Variants in METTL24 observed in about 807,000 individuals in gnomAD.
The protein encoded by METTL24 is methyltransferase like 24.
In METTL24, 29 loss-of-function variants were observed where a neutral mutation model predicts 32.7. The observed-to-expected ratio is 0.89, with a 90% CI of 0.66 to 1.21. The LOEUF (loss-of-function observed/expected upper bound fraction) is 1.21, where lower values mean the gene tolerates loss of function less well. Among genes scored for constraint, METTL24 ranks in the 50% most tolerant of loss-of-function variants. METTL24 has a pLI of 0.00. For missense variants in METTL24, 439 were observed against 468.1 expected (o/e 0.94, Z 0.57); for synonymous variants, 163 against 179.5 (o/e 0.91, Z 0.73).
In METTL24 at chr6:110,299,118, C is replaced by T; in HGVS notation, c.590G>A (p.Ser197Asn). 2 of 1,614,068 alleles carry T rather than the reference C, an allele frequency of 1.2e-6. No homozygotes were observed. Among genetic ancestry groups the T allele is most frequent in the Non-Finnish European group, 1.7e-6 (2 of 1,180,012 alleles). Residue 197 changes from serine to asparagine, a missense_variant, in exon 4 of 5, where the codon AGC becomes AAC. Physicochemically the swap from Ser to Asn is conservative, Grantham distance 46. Coordinates refer to ENST00000338882, the MANE Select transcript of METTL24 (RefSeq NM_001123364.3). ...CACTTCACATCCGTTGTTGGCCATG[C>T]TAACCTCAAAATGGGTATCATCACT... ...LGSDDTHFEV[S>N]MANNGCEVHR...
intron 3 of METTL24, among the ~76,000 whole-genome samples, chr6:110,313,387 T>C (rs995237924): frequency 6.6e-6 from 1 of 152,108 alleles, no homozygotes; most frequent in Non-Finnish European, 1.5e-5. Context: ...TATTTTAAAA[T>C]AGGAAACTAC....
At chr6:110,265,848 CTCTTCCTCTTCCTCCTCCTCCTCCTCCT>C (rs1477539675) in intron 4 of METTL24, among the ~76,000 whole-genome samples, 4 of 125,972 alleles carry the variant, frequency 3.2e-5, no homozygotes, top group African/African-American at 6.5e-5. Context: ...ATTCCTCCTC[CTCTTCCTCTTCCTCCTCCTCCTCCTCCT>C]TCTTCCTCTT....
intron 4 of METTL24, among the ~76,000 whole-genome samples, chr6:110,271,346 A>T (rs1267215351): frequency 6.6e-6 from 1 of 152,068 alleles, no homozygotes; most frequent in Non-Finnish European, 1.5e-5. Context: ...CCCAGGCTGG[A>T]GTACAGTGGC....
rs61213732 is a variant in METTL24 at position 110,288,076 on chromosome 6, C to T, written c.786+10846G>A. Among the ~76,000 whole-genome samples, 1,168 of 152,310 alleles carry T rather than the reference C, an allele frequency of 7.7e-3. 9 individuals carry two copies. The highest frequency in any genetic ancestry group is 0.027 in the African/African-American group (1,112 of 41,576). On this transcript the variant is annotated intron_variant, in intron 4 of 4. Transcript: ENST00000338882. The stretch of plus-strand genomic sequence containing the variant: ...AAACTATGACAGTGTCTGTCCTTCA[C>T]ACCAGGGTCTCAGGCTGAAGGCAGA...
At chr6:110,246,883 GGA>G (rs1296719182) in intron 4 of METTL24, among the ~76,000 whole-genome samples, 2 of 150,598 alleles carry the variant, frequency 1.3e-5, no homozygotes, top group Non-Finnish European at 1.5e-5. Context: ...TCTGAATATT[GGA>G]CTATAAAAAA....
intron 4 of METTL24, among the ~76,000 whole-genome samples, chr6:110,272,368 T>G (rs1420296180): frequency 6.6e-6 from 1 of 152,214 alleles, no homozygotes; most frequent in African/African-American, 2.4e-5. Context: ...ATCCACTAGT[T>G]GGTCGATGGG....
chr6:110,333,852 C>T lies in METTL24; in HGVS notation c.319-10980G>A, dbSNP rs59958978. ...GTTATATTTCTTGATAACTGACACACTTAAGTGCATTTACATTACTTTATT... is the reference window on the plus strand; with the variant it reads ...GTTATATTTCTTGATAACTGACACATTTAAGTGCATTTACATTACTTTATT... On this transcript the variant is annotated intron_variant, in intron 1 of 4. Transcript: ENST00000338882. 6.1e-3 allele frequency among the ~76,000 whole-genome samples: 932 copies of T among 152,308 alleles called. 12 individuals carry two copies. The highest frequency in any genetic ancestry group is 0.021 in the African/African-American group (855 of 41,558).
Position 110,358,093 on chromosome 6 carries a change from G to T in METTL24, c.180C>A (p.Pro60=), listed in dbSNP as rs1042603798. The change falls in exon 1 of 5, where the codon CCC becomes CCA. Residue 60 remains proline, a synonymous_variant. Coordinates refer to ENST00000338882, the MANE Select transcript of METTL24 (RefSeq NM_001123364.3). Reference sequence around the variant, plus strand: ...TGGCGCCGCGCGGCTGGCCCGGCGCGGGCGGCAGGTGCGGCCCAGGTGGCC... The same window carrying T: ...TGGCGCCGCGCGGCTGGCCCGGCGCTGGCGGCAGGTGCGGCCCAGGTGGCC... ...AWRPPGPHLP[P]APGQPRGASR... is the part of the protein sequence containing the mutation. 2 of 1,002,128 alleles carry T rather than the reference G, an allele frequency of 2.0e-6. No individual in the cohort carries two copies. The highest frequency in any genetic ancestry group is 4.5e-5 in the South Asian group (1 of 22,222). 62.1% of individuals were successfully genotyped at this position (1,002,128 alleles called of 1,614,324 possible). A position where few individuals can be genotyped will look rare whatever the true frequency, so the allele number is the denominator to read the frequency against.
intron 4 of METTL24, among the ~76,000 whole-genome samples, chr6:110,277,076 T>C (rs1390371173): frequency 6.6e-6 from 1 of 152,122 alleles, no homozygotes; most frequent in Non-Finnish European, 1.5e-5. Context: ...TAAAGCTGAG[T>C]GTCCTATAGT....
intron 1 of METTL24, among the ~76,000 whole-genome samples, chr6:110,333,691 C>T (rs1772153266): frequency 6.6e-6 from 1 of 152,170 alleles, no homozygotes. Flanking sequence ...ACCTGCCCAC[C>T]TCGGCCTCCC....
intron 4 of METTL24, chr6:110,254,154 T>C: frequency 2.5e-6 from 1 of 403,272 alleles, no homozygotes; most frequent in Non-Finnish European, 4.3e-6. Flanking sequence ...GGTGGCCATA[T>C]AGATATTTTC....
chr6:110,304,168 C>T (rs1166466723), intron 3 of METTL24, among the ~76,000 whole-genome samples: 4 of 152,072 alleles, frequency 2.6e-5, no homozygotes, highest in African/African-American at 9.7e-5. Context: ...TGAAGGCCAC[C>T]AACAGCAAAG....
chr6:110,300,422 C>CTT (rs56017770), intron 3 of METTL24, among the ~76,000 whole-genome samples: 7,521 of 133,206 alleles, frequency 0.056, 841 homozygotes, highest in African/African-American at 0.21. Flanking sequence ...CCGAGACATG[C>CTT]TTTTTTTTTT....
At chr6:110,340,817 T>C (rs1772341406) in intron 1 of METTL24, among the ~76,000 whole-genome samples, 1 of 152,186 alleles carries the variant, frequency 6.6e-6, no homozygotes, top group African/African-American at 2.4e-5. Flanking sequence ...GTACACAGCC[T>C]TCCTGCTGTA....
At chr6:110,345,894 T>C (rs1582443248) in intron 1 of METTL24, among the ~76,000 whole-genome samples, 1 of 152,320 alleles carries the variant, frequency 6.6e-6, no homozygotes, top group East Asian at 1.9e-4. Context: ...CAAGTTTACC[T>C]GTATAACAAA....
intron 4 of METTL24, among the ~76,000 whole-genome samples, chr6:110,271,937 A>G (rs1450461517): frequency 1.3e-5 from 2 of 152,208 alleles, no homozygotes; most frequent in African/African-American, 2.4e-5. Flanking sequence ...AGGAATTTTT[A>G]AATACTTTAG....
intron 1 of METTL24, among the ~76,000 whole-genome samples, chr6:110,325,447 A>G (rs1446001970): frequency 6.6e-6 from 1 of 152,184 alleles, no homozygotes; most frequent in East Asian, 1.9e-4. Context: ...AGCAGGCTGG[A>G]TTGGGCCTGC....
At chr6:110,279,192 G>A (rs1771097117) in intron 4 of METTL24, among the ~76,000 whole-genome samples, 2 of 152,182 alleles carry the variant, frequency 1.3e-5, no homozygotes, top group African/African-American at 4.8e-5. Flanking sequence ...GCATTATGCT[G>A]TGAGCTGCTA....
At chr6:110,291,439 G>A (rs564140969) in intron 4 of METTL24, among the ~76,000 whole-genome samples, 72 of 152,146 alleles carry the variant, frequency 4.7e-4, no homozygotes, top group African/African-American at 1.7e-3. Context: ...AGCACCATTT[G>A]TTGAAAAGAC....
Sources: allele counts gnomAD v4.1 joint callset (sites outside exome capture counted in the v4.1 genomes callset), GRCh38; gene constraint gnomAD v4.1.1; transcripts MANE v1.5; gene names NCBI Gene and HGNC (gene_info 2026-07-23, HGNC 2026-07-21).